The following KLHL14 variants were observed in gnomAD, a reference collection of about 807,000 sequenced individuals.
KLHL14 encodes kelch like family member 14, also known as kelch-like protein 14.
A neutral mutation model predicts 64.3 loss-of-function variants in KLHL14; 22 were observed. That is an observed-to-expected ratio of 0.34 (90% CI 0.24 to 0.49). The LOEUF (loss-of-function observed/expected upper bound fraction) is 0.49. Ranked by LOEUF, KLHL14 falls within the 20% of genes least tolerant of loss-of-function variation. The pLI is 0.99. For missense variants in KLHL14, 661 were observed against 789.0 expected, an observed-to-expected ratio of 0.84 and a Z score of 1.94; for synonymous variants, 322 against 333.4, an observed-to-expected ratio of 0.97 and a Z score of 0.37.
At chr18:32,749,769 GT>G (rs1310799331) in intron 2 of KLHL14, among the ~76,000 whole-genome samples, 1 of 152,126 alleles carries the variant, frequency 6.6e-6, no homozygotes, top group Non-Finnish European at 1.5e-5. Context: ...TTCACATCTG[GT>G]GGTACAGCAG....
At chr18:32,720,046 T>C (rs552567258) in intron 3 of KLHL14, among the ~76,000 whole-genome samples, 2 of 152,226 alleles carry the variant, frequency 1.3e-5, no homozygotes, top group Non-Finnish European at 2.9e-5. Context: ...GTGTGTAGAA[T>C]TAAACAGGAC....
intron 3 of KLHL14, among the ~76,000 whole-genome samples, chr18:32,721,720 A>G (rs1005191934): frequency 1.3e-5 from 2 of 152,132 alleles, no homozygotes. Context: ...TGTGGTGAAA[A>G]AGGTTATATT....
chr18:32,753,009 C>A (rs1463169069), intron 2 of KLHL14, among the ~76,000 whole-genome samples: 1 of 149,956 alleles, frequency 6.7e-6, no homozygotes, highest in Admixed American at 6.7e-5. Context: ...TTTAAGCTTT[C>A]TCAGTGATTC....
intron 3 of KLHL14, among the ~76,000 whole-genome samples, chr18:32,707,128 T>C (rs1323948047): frequency 1.3e-5 from 2 of 152,206 alleles, no homozygotes; most frequent in Non-Finnish European, 2.9e-5. Flanking sequence ...GTATAGCCCA[T>C]GGGGCAGTAG....
chr18:32,684,880 A>G (rs1598547705), intron 5 of KLHL14, among the ~76,000 whole-genome samples: 1 of 152,130 alleles, frequency 6.6e-6, no homozygotes, highest in African/African-American at 2.4e-5. Context: ...CTGGGCAATG[A>G]CAGAAAAATT....
intron 2 of KLHL14, among the ~76,000 whole-genome samples, chr18:32,765,895 T>A (rs1056866277): frequency 6.6e-6 from 1 of 152,134 alleles, no homozygotes; most frequent in South Asian, 2.1e-4. Flanking sequence ...TTAGGTAGTC[T>A]CCTGTTGTTT....
chr18:32,701,179 C>T (rs1482177704), intron 3 of KLHL14, among the ~76,000 whole-genome samples: 1 of 152,138 alleles, frequency 6.6e-6, no homozygotes, highest in Non-Finnish European at 1.5e-5. Flanking sequence ...ATTCAACAAA[C>T]ATTCACTAAA....
At position 32,748,246 on chromosome 18, in the gene KLHL14, C is replaced by A. The variant is rs181726037; in HGVS notation, c.948-6197G>T. On this transcript the variant is annotated intron_variant, in intron 2 of 8. Transcript: ENST00000359358. ...TATTTTTTTGAGATGGAGTTTTGCT[C>A]AGTTGCCCAGGCTTCTGGAGTGCAG... Among the ~76,000 whole-genome samples the A allele has an allele frequency of 3.0e-3, 461 of 152,212 alleles. 7 individuals carry two copies. Among genetic ancestry groups the A allele is most frequent in the African/African-American group, 0.011 (449 of 41,536 alleles).
At chr18:32,696,974 T>A (rs2049939924) in intron 3 of KLHL14, among the ~76,000 whole-genome samples, 1 of 152,188 alleles carries the variant, frequency 6.6e-6, no homozygotes, top group Admixed American at 6.5e-5. Flanking sequence ...TGCATTGTTT[T>A]TGAACTTACA....
At chr18:32,704,531 T>C (rs1360570400) in intron 3 of KLHL14, among the ~76,000 whole-genome samples, 1 of 152,120 alleles carries the variant, frequency 6.6e-6, no homozygotes, top group Non-Finnish European at 1.5e-5. Flanking sequence ...GAGACCAGCC[T>C]GACTAACATG....
intron 2 of KLHL14, among the ~76,000 whole-genome samples, chr18:32,752,456 C>G (rs772966541): frequency 2.6e-5 from 4 of 152,168 alleles, no homozygotes; most frequent in Non-Finnish European, 5.9e-5. Context: ...CTGCCCTAGA[C>G]CCTCCACCTT....
At chr18:32,747,130 T>C (rs973017636) in intron 2 of KLHL14, among the ~76,000 whole-genome samples, 17 of 152,188 alleles carry the variant, frequency 1.1e-4, no homozygotes, top group African/African-American at 4.1e-4. Context: ...GTTGTACAGT[T>C]GTGTTAGATA....
chr18:32,706,540 T>C (rs1480338810), intron 3 of KLHL14, among the ~76,000 whole-genome samples: 1 of 152,164 alleles, frequency 6.6e-6, no homozygotes, highest in Non-Finnish European at 1.5e-5. Flanking sequence ...ATTTGCCACT[T>C]CTCCAGTGTT....
At chr18:32,715,298 G>C (rs1014109255) in intron 3 of KLHL14, among the ~76,000 whole-genome samples, 1 of 152,096 alleles carries the variant, frequency 6.6e-6, no homozygotes, top group Non-Finnish European at 1.5e-5. Flanking sequence ...TCTATATAGG[G>C]TGTATATGTG....
intron 3 of KLHL14, among the ~76,000 whole-genome samples, chr18:32,727,571 C>T (rs910690078): frequency 6.6e-6 from 1 of 152,172 alleles, no homozygotes; most frequent in Non-Finnish European, 1.5e-5. Context: ...CTTATCTGCA[C>T]ATATGTCCTT....
In KLHL14 at chr18:32,754,293, C is replaced by T. The variant is rs142429694; in HGVS notation, c.948-12244G>A. Among the ~76,000 whole-genome samples, 1,299 of 152,326 alleles carry T rather than the reference C, an allele frequency of 8.5e-3. 9 individuals carry two copies. The highest frequency in any genetic ancestry group is 0.015 in the Non-Finnish European group (1,008 of 68,020). ...TGCCTCCTGAGAGCCAGTCTCATTA[C>T]TGAGACTTCGTCCTGTCTTTTTCTT... is the stretch of plus-strand genomic sequence containing the variant. On this transcript the variant is annotated intron_variant, in intron 2 of 8. Coordinates refer to ENST00000359358, the MANE Select transcript of KLHL14 (RefSeq NM_020805.3).
chr18:32,693,712 G>C (rs2144484314), intron 4 of KLHL14, among the ~76,000 whole-genome samples: 1 of 152,234 alleles, frequency 6.6e-6, no homozygotes, highest in African/African-American at 2.4e-5. Context: ...GTTGTGTGCT[G>C]TTTCTAGTCA....
intron 3 of KLHL14, among the ~76,000 whole-genome samples, chr18:32,701,071 C>G (rs1375654845): frequency 6.6e-6 from 1 of 152,206 alleles, no homozygotes; most frequent in East Asian, 1.9e-4. Context: ...GAAGATAACA[C>G]TGGCATTATC....
chr18:32,745,892 T>C (rs1015246328), intron 2 of KLHL14, among the ~76,000 whole-genome samples: 3 of 152,224 alleles, frequency 2.0e-5, no homozygotes, highest in Non-Finnish European at 4.4e-5. Context: ...AAAGTAAAAT[T>C]AAGAGAAGCT....
Sources: allele counts gnomAD v4.1 joint callset (sites outside exome capture counted in the v4.1 genomes callset), GRCh38; gene constraint gnomAD v4.1.1; transcripts MANE v1.5; gene names NCBI Gene and HGNC (gene_info 2026-07-23, HGNC 2026-07-21).